Variants in TNIK observed in about 807,000 individuals in gnomAD.
TNIK encodes TRAF2 and NCK-interacting protein kinase.
TNIK carries 49 observed loss-of-function variants against 191.3 expected under a neutral mutation model. The ratio of observed to expected loss-of-function variants is 0.26; its 90% CI spans 0.20 to 0.32. The LOEUF (loss-of-function observed/expected upper bound fraction) is 0.32. Among genes scored for constraint, TNIK ranks in the 10% least tolerant of loss-of-function variants. TNIK has a pLI of 1.00. For missense variants in TNIK, 1,155 were observed against 1,702.3 expected (o/e 0.68, Z 5.66); for synonymous variants, 594 against 600.9 (o/e 0.99, Z 0.17).
intron 2 of TNIK, among the ~76,000 whole-genome samples, chr3:171,245,629 G>C (rs1431877222): frequency 2.0e-5 from 3 of 151,386 alleles, no homozygotes; most frequent in Non-Finnish European, 4.4e-5. Flanking sequence ...ATTATCAAAT[G>C]GAAGAGGGGA....
chr3:171,384,068 T>C (rs2108527386), intron 1 of TNIK, among the ~76,000 whole-genome samples: 1 of 152,350 alleles, frequency 6.6e-6, no homozygotes, highest in South Asian at 2.1e-4. Flanking sequence ...TCCCTTTTTG[T>C]TCTTGCTATC....
intron 22 of TNIK, among the ~76,000 whole-genome samples, chr3:171,095,526 A>AT (rs1350020351): frequency 6.6e-6 from 1 of 152,156 alleles, no homozygotes; most frequent in East Asian, 1.9e-4. Flanking sequence ...AACTTTAATC[A>AT]TTTTTTTCTT....
intron 2 of TNIK, among the ~76,000 whole-genome samples, chr3:171,349,130 G>A (rs1007757769): frequency 6.6e-6 from 1 of 151,776 alleles, no homozygotes; most frequent in Non-Finnish European, 1.5e-5. Context: ...ACCCAAAAAA[G>A]TTTCCATATA....
intron 2 of TNIK, among the ~76,000 whole-genome samples, chr3:171,270,077 C>G (rs1053215711): frequency 6.6e-6 from 1 of 152,162 alleles, no homozygotes; most frequent in Non-Finnish European, 1.5e-5. Context: ...CATTTACACA[C>G]TTACTTTGAG....
chr3:171,372,757 G>T (rs1205618865), intron 1 of TNIK, among the ~76,000 whole-genome samples: 1 of 152,186 alleles, frequency 6.6e-6, no homozygotes, highest in Non-Finnish European at 1.5e-5. Flanking sequence ...GTGGACAACT[G>T]AGTGCCTCAG....
intron 2 of TNIK, among the ~76,000 whole-genome samples, chr3:171,326,768 G>A (rs1755814475): frequency 6.6e-6 from 1 of 152,122 alleles, no homozygotes; most frequent in Non-Finnish European, 1.5e-5. Flanking sequence ...GCAATTATAG[G>A]TAATAATATT....
rs758023007 is a variant in TNIK, at chr3:171,167,277, A to G, written c.774-7T>C. On this transcript the variant is annotated splice_region_variant and splice_polypyrimidine_tract_variant and intron_variant, in intron 9 of 32. Transcript: ENST00000436636. ...TGACTGGAATTTTTTTGACCTGCCA[A>G]ACAAAAGAAATGAATCCACAGATAA... The G allele has an allele frequency of 1.2e-6, 2 of 1,609,854 alleles. No individual in the cohort carries two copies. Among genetic ancestry groups the G allele is most frequent in the Non-Finnish European group, 1.7e-6 (2 of 1,177,398 alleles).
chr3:171,107,218 G>A lies in TNIK; in HGVS notation c.2383-12C>T. ...GCTTTTTTGTAGCTCTGAAATGAGA[G>A]GAACCCAATCCAGAAGAATCCACAG... On this transcript the variant is annotated splice_polypyrimidine_tract_variant and intron_variant, in intron 20 of 32. Transcript: ENST00000436636. The A allele has an allele frequency of 6.2e-7, 1 of 1,610,798 alleles. No homozygotes were observed. The highest frequency in any genetic ancestry group is 8.5e-7 in the Non-Finnish European group (1 of 1,178,674).
At chr3:171,168,267 C>T (rs1734854453) in intron 9 of TNIK, among the ~76,000 whole-genome samples, 2 of 152,186 alleles carry the variant, frequency 1.3e-5, no homozygotes, top group African/African-American at 4.8e-5. Flanking sequence ...CTCCAGGAGA[C>T]CTTGATGAAA....
intron 12 of TNIK, among the ~76,000 whole-genome samples, chr3:171,143,408 C>T (rs1411042314): frequency 6.6e-6 from 1 of 152,224 alleles, no homozygotes; most frequent in Non-Finnish European, 1.5e-5. Flanking sequence ...CTAGAAGCAG[C>T]TCTCTGAGGG....
chr3:171,124,038 A>T (rs1046496206), intron 17 of TNIK, among the ~76,000 whole-genome samples: 1 of 152,204 alleles, frequency 6.6e-6, no homozygotes, highest in Non-Finnish European at 1.5e-5. Flanking sequence ...GGTAAATACC[A>T]GGAATTTCTT....
intron 28 of TNIK, among the ~76,000 whole-genome samples, chr3:171,076,386 A>C (rs1719939384): frequency 6.6e-6 from 1 of 152,082 alleles, no homozygotes; most frequent in African/African-American, 2.4e-5. Flanking sequence ...TTCTGTTTCC[A>C]CATTCTGTAT....
chr3:171,185,391 A>G (rs1056042134), intron 7 of TNIK, among the ~76,000 whole-genome samples: 11 of 152,310 alleles, frequency 7.2e-5, no homozygotes, highest in South Asian at 4.1e-4. Flanking sequence ...AAAAATAACA[A>G]TTTAAACAGC....
intron 2 of TNIK, among the ~76,000 whole-genome samples, chr3:171,239,046 T>C (rs952768174): frequency 2.6e-5 from 4 of 152,226 alleles, no homozygotes; most frequent in Admixed American, 1.3e-4. Flanking sequence ...AAATGGAATT[T>C]GGTTTATTAT....
At chr3:171,270,136 T>C (rs777161518) in intron 2 of TNIK, among the ~76,000 whole-genome samples, 10 of 152,296 alleles carry the variant, frequency 6.6e-5, no homozygotes, top group Non-Finnish European at 8.8e-5. Flanking sequence ...TTATCCTTAG[T>C]TAACCCCATC....
At chr3:171,345,925 AAATG>A (rs886656329) in intron 2 of TNIK, among the ~76,000 whole-genome samples, 7 of 152,150 alleles carry the variant, frequency 4.6e-5, no homozygotes, top group Non-Finnish European at 8.8e-5. Flanking sequence ...TGAAGTGAAC[AAATG>A]AATGAATGAA....
chr3:171,266,083 G>A (rs1748363626), intron 2 of TNIK, among the ~76,000 whole-genome samples: 1 of 151,944 alleles, frequency 6.6e-6, no homozygotes, highest in South Asian at 2.1e-4. Flanking sequence ...TCAGGGTTGA[G>A]AGAGGAAAAA....
chr3:171,197,429 T>C (rs1235691523), intron 4 of TNIK, among the ~76,000 whole-genome samples: 1 of 152,032 alleles, frequency 6.6e-6, no homozygotes, highest in Non-Finnish European at 1.5e-5. Flanking sequence ...TTATAAGCAT[T>C]TGTGAATGAA....
intron 2 of TNIK, among the ~76,000 whole-genome samples, chr3:171,342,845 G>A (rs1265692448): frequency 6.6e-6 from 1 of 152,148 alleles, no homozygotes; most frequent in Non-Finnish European, 1.5e-5. Context: ...GGACCCAGTG[G>A]GAGGTAACTG....
Sources: allele counts gnomAD v4.1 joint callset (sites outside exome capture counted in the v4.1 genomes callset), GRCh38; gene constraint gnomAD v4.1.1; transcripts MANE v1.5; gene names NCBI Gene and HGNC (gene_info 2026-07-23, HGNC 2026-07-21).